SLC2A8: variants seen among roughly 807,000 people sequenced by gnomAD.
SLC2A8 encodes solute carrier family 2, facilitated glucose transporter member 8.
SLC2A8 carries 53 observed loss-of-function variants against 49.2 expected under a neutral mutation model. That is an observed-to-expected ratio of 1.08 (90% CI 0.86 to 1.35). The LOEUF (loss-of-function observed/expected upper bound fraction) is 1.35. SLC2A8 is among the 40% of genes most tolerant of loss of function. The pLI, the probability that SLC2A8 is intolerant of heterozygous loss-of-function variation, is 0.00. For missense variants in SLC2A8, 688 were observed against 671.7 expected, an observed-to-expected ratio of 1.02 and a Z score of -0.27; for synonymous variants, 299 against 297.0, an observed-to-expected ratio of 1.01 and a Z score of -0.07.
At chr9:127,406,230 C>T (rs1006709094) in intron 9 of SLC2A8, among the ~76,000 whole-genome samples, 18 of 152,208 alleles carry the variant, frequency 1.2e-4, no homozygotes, top group African/African-American at 4.3e-4. Flanking sequence ...ACAGGGTCCC[C>T]TTTATGACAA....
Position 127,404,979 on chromosome 9 carries a change from C to G in SLC2A8, c.1138C>G (p.Leu380Val). Residue 380 changes from leucine to valine, a missense_variant, in exon 8 of 10, where the codon CTC becomes GTC. Leu to Val is a conservative substitution (Grantham distance 32, BLOSUM62 1). Transcript: ENST00000373371. ...LAWLAVGSMC[L>V]FIAGFAVGWG... ...CTGGCTGGCCGTGGGCAGCATGTGCCTCTTCATCGCCGGTAAGGGGGCCTG... is the reference window on the plus strand; with the variant it reads ...CTGGCTGGCCGTGGGCAGCATGTGCGTCTTCATCGCCGGTAAGGGGGCCTG... The G allele has an allele frequency of 6.2e-7, 1 of 1,601,886 alleles. No individual in the cohort carries two copies. The highest frequency in any genetic ancestry group is 1.1e-5 in the South Asian group (1 of 90,876).
chr9:127,406,109 C>G (rs372723957), intron 9 of SLC2A8: 13 of 515,296 alleles, frequency 2.5e-5, no homozygotes, highest in African/African-American at 2.5e-4. Flanking sequence ...AGAGACAGTT[C>G]TGGGGTAGAT....
chr9:127,406,378 G>A (rs1227759821), intron 9 of SLC2A8, among the ~76,000 whole-genome samples: 3 of 152,216 alleles, frequency 2.0e-5, no homozygotes. Flanking sequence ...TGCCCGGGGA[G>A]CACATCGAGG....
rs1389729533 is a variant in SLC2A8 at position 127,403,669 on chromosome 9, C to T, written c.733C>T (p.Leu245=). ...PPIGAEQSFH[L]ALLRQPGIYK... ...GTATCCGTCAGAGCAGAGCTTTCACCTGGCCCTGCTGCGGCAGCCCGGCAT... is the reference window on the plus strand; with the variant it reads ...GTATCCGTCAGAGCAGAGCTTTCACTTGGCCCTGCTGCGGCAGCCCGGCAT... The change falls in exon 6 of 10, where the codon CTG becomes TTG. Residue 245 remains leucine, a synonymous_variant. Coordinates refer to ENST00000373371, the MANE Select transcript of SLC2A8 (RefSeq NM_014580.5). The T allele has an allele frequency of 3.1e-6, 5 of 1,613,010 alleles. No homozygotes were observed. Among genetic ancestry groups the T allele is most frequent in the African/African-American group, 1.3e-5 (1 of 75,032 alleles).
At position 127,399,349 on chromosome 9, in the gene SLC2A8, G is replaced by C. The variant is rs529869385; in HGVS notation, c.427-558G>C. On this transcript the variant is annotated intron_variant, in intron 3 of 9. Coordinates refer to ENST00000373371, the MANE Select transcript of SLC2A8 (RefSeq NM_014580.5). This position sits in a 1 kb window ranked among gnomAD's most constrained non-coding sequence, Gnocchi z 4.2. ...AGAAGCTCTGTGCCCACCGCCTCTCGTCATCATATGCAGCCCTCTCCGTTA... is the reference window on the plus strand; with the variant it reads ...AGAAGCTCTGTGCCCACCGCCTCTCCTCATCATATGCAGCCCTCTCCGTTA... Among the ~76,000 whole-genome samples the C allele has an allele frequency of 6.6e-6, 1 of 152,112 alleles. No homozygotes were observed. Among genetic ancestry groups the C allele is most frequent in the Non-Finnish European group, 1.5e-5 (1 of 68,022 alleles).
intron 9 of SLC2A8, 112 bp downstream of exon 9, chr9:127,405,677 C>T: frequency 2.9e-6 from 4 of 1,391,870 alleles, no homozygotes; most frequent in Non-Finnish European, 3.9e-6. Flanking sequence ...CAGCCTGAGC[C>T]CCACCATGCC....
chr9:127,404,661 G>C, intron 7 of SLC2A8, 157 bp from the exon 8 acceptor site: 1 of 813,854 alleles, frequency 1.2e-6, no homozygotes. Context: ...CGGGGTGGCT[G>C]CCACCCAGTC....
intron 3 of SLC2A8, chr9:127,398,476 T>C (rs1833137147): frequency 2.0e-6 from 1 of 509,072 alleles, no homozygotes; most frequent in Admixed American, 2.7e-5. Context: ...CCCTACATTT[T>C]GGTTTTCATC....
At chr9:127,405,394 C>T in intron 8 of SLC2A8, 26 bp from the exon 9 acceptor site, 2 of 1,610,140 alleles carry the variant, frequency 1.2e-6, no homozygotes, top group Middle Eastern at 3.4e-4. Flanking sequence ...ACCCTGATGC[C>T]TGTCTTGCCT....
chr9:127,398,355 G>A (rs543491774), intron 3 of SLC2A8: 2 of 770,990 alleles, frequency 2.6e-6, no homozygotes, highest in Non-Finnish European at 4.8e-6. Flanking sequence ...TTGCCCAGGC[G>A]AGGTCCACAG....
intron 6 of SLC2A8, 62 bp downstream of exon 6, chr9:127,403,865 A>G (rs41276196): frequency 2.1e-5 from 33 of 1,602,132 alleles, no homozygotes; most frequent in Middle Eastern, 1.7e-4. Flanking sequence ...TTCCTCCCCA[A>G]GCCCAGGGCC....
intron 6 of SLC2A8, 67 bp from the exon 7 acceptor site, chr9:127,403,892 G>T: frequency 1.3e-6 from 2 of 1,599,506 alleles, no homozygotes; most frequent in Non-Finnish European, 8.5e-7. Flanking sequence ...TCCAGCACAG[G>T]CCTGGAGAGG....
chr9:127,398,828 A>T (rs1022210795), intron 3 of SLC2A8, among the ~76,000 whole-genome samples: 1 of 152,156 alleles, frequency 6.6e-6, no homozygotes, highest in Admixed American at 6.5e-5. Context: ...AGAGGACTGG[A>T]TCCTGACAGC....
chr9:127,400,144 T>C (rs1307208866), intron 4 of SLC2A8, 138 bp downstream of exon 4: 2 of 567,898 alleles, frequency 3.5e-6, no homozygotes, highest in South Asian at 2.1e-5. Flanking sequence ...CTCGCCTTCC[T>C]GGGACCTTGG....
At chr9:127,400,166 C>CTT (rs796202714) in intron 4 of SLC2A8, among the ~76,000 whole-genome samples, 160 bp downstream of exon 4, 2,133 of 116,782 alleles carry the variant, frequency 0.018, 159 homozygotes, top group African/African-American at 0.067. Flanking sequence ...ATAGGTGAGT[C>CTT]TTTTTTTTTT....
intron 4 of SLC2A8, 34 bp downstream of exon 4, chr9:127,400,040 TG>T: frequency 6.3e-7 from 1 of 1,582,964 alleles, no homozygotes; most frequent in Non-Finnish European, 8.7e-7. Context: ...TTCCTGTTTG[TG>T]GTCATGTGGC....
intron 9 of SLC2A8, among the ~76,000 whole-genome samples, chr9:127,406,453 G>A (rs1448008771): frequency 6.6e-6 from 1 of 152,226 alleles, no homozygotes; most frequent in Admixed American, 6.5e-5. Context: ...CGCAGCAAAG[G>A]AAGGAGGAAA....
Position 127,399,799 on chromosome 9 carries a change from T to C in SLC2A8, c.427-108T>C. ...TTTCTCCCTGTTGGTCAGGCCAGTC[T>C]CAAACTCCCAACCTCTGGTGATCTG... is the stretch of plus-strand genomic sequence containing the variant. On this transcript the variant is annotated intron_variant, in intron 3 of 9. Coordinates refer to ENST00000373371, the MANE Select transcript of SLC2A8 (RefSeq NM_014580.5). The surrounding 1 kb of genome is among the most constrained non-coding windows in gnomAD (Gnocchi z 4.2). 1.1e-6 allele frequency: 1 copy of C among 871,886 alleles called. No individual in the cohort carries two copies. The highest frequency in any genetic ancestry group is 1.8e-6 in the Non-Finnish European group (1 of 543,240). The allele number at this position is 871,886 out of a possible 1,614,324, so 54.0% of individuals were successfully genotyped here.
chr9:127,397,765 G>A (rs1329605504), intron 2 of SLC2A8, 140 bp from the exon 3 acceptor site: 1 of 1,076,374 alleles, frequency 9.3e-7, no homozygotes, highest in African/African-American at 1.7e-5. Context: ...ACGAGCACCG[G>A]GCCCCTCAGC....
Sources: gnomAD v4.1 joint callset for allele counts (sites outside exome capture counted in the v4.1 genomes callset) on GRCh38, gnomAD v4.1.1 for gene constraint, Gnocchi (gnomAD v3.1) non-coding constraint, MANE v1.5 for transcripts, NCBI Gene and HGNC (gene_info 2026-07-23, HGNC 2026-07-21) for gene names.